The following TET2 variants were observed in gnomAD, a reference collection of about 807,000 sequenced individuals.
TET2 encodes the protein tet methylcytosine dioxygenase 2.
TET2 carries 299 observed loss-of-function variants against 142.9 expected under a neutral mutation model. The ratio of observed to expected loss-of-function variants is 2.09; its 90% CI spans 1.90 to 2.30. The LOEUF (loss-of-function observed/expected upper bound fraction) is 2.30. TET2 is among the 30% of genes most tolerant of loss of function. The pLI, the probability that TET2 is intolerant of heterozygous loss-of-function variation, is 0.00. For missense variants in TET2, 2,418 were observed against 2,378.0 expected (o/e 1.02, Z -0.35); for synonymous variants, 819 against 849.0 (o/e 0.96, Z 0.61).
intron 2 of TET2, among the ~76,000 whole-genome samples, chr4:105,212,026 G>T (rs1727194052): frequency 6.6e-6 from 1 of 152,182 alleles, no homozygotes; most frequent in South Asian, 2.1e-4. Context: ...TAGGAATGAG[G>T]CGTGAATAAG....
chr4:105,249,627 G>A (rs1177367648), intron 6 of TET2, among the ~76,000 whole-genome samples: 1 of 152,098 alleles, frequency 6.6e-6, no homozygotes, highest in African/African-American at 2.4e-5. Flanking sequence ...CTTTTTAATT[G>A]TAACCATCCA....
intron 3 of TET2, chr4:105,239,082 T>TTTTTTTTTTTG (rs1553914882): frequency 4.4e-5 from 3 of 68,748 alleles, no homozygotes; most frequent in Non-Finnish European, 5.8e-5. Flanking sequence ...TTGTTTTTTT[T>TTTTTTTTTTTG]TTTTGTTTTT....
chr4:105,273,285 T>G (rs1194075139), intron 10 of TET2, among the ~76,000 whole-genome samples: 1 of 152,272 alleles, frequency 6.6e-6, no homozygotes, highest in Non-Finnish European at 1.5e-5. Context: ...AGGGCCAGGC[T>G]TTGTTCTCAG....
At chr4:105,200,624 C>T (rs1465507853) in intron 2 of TET2, among the ~76,000 whole-genome samples, 4 of 148,310 alleles carry the variant, frequency 2.7e-5, no homozygotes, top group African/African-American at 1.0e-4. Flanking sequence ...TCCCAGGTCA[C>T]ACTGTTTTTT....
At chr4:105,248,859 G>T (rs1729715803) in intron 6 of TET2, among the ~76,000 whole-genome samples, 1 of 151,388 alleles carries the variant, frequency 6.6e-6, no homozygotes, top group South Asian at 2.1e-4. Context: ...TAAACATTCA[G>T]TTTCTCTGGA....
intron 3 of TET2, chr4:105,237,732 C>G (rs913265384): frequency 8.1e-7 from 1 of 1,238,188 alleles, no homozygotes; most frequent in Non-Finnish European, 1.0e-6. Flanking sequence ...CGACCATAGG[C>G]AGTCTAATGT....
chr4:105,235,898 GT>G lies in TET2; in HGVS notation c.1958del (p.Phe653SerfsTer47). On this transcript the variant is annotated frameshift_variant, in exon 3 of 11. Transcript: ENST00000380013. LOFTEE classifies it high-confidence loss of function. ...AAGGTACAGTGGACCAACATCTCCA[GT>G]TCCAAAAACCCTCACACCAGGTGCA... ...SQGTVDQHLQ[F>X]QKPSHQVHFS... 6.2e-7 allele frequency: 1 copy of G among 1,614,060 alleles called. No homozygotes were observed. The highest frequency in any genetic ancestry group is 8.5e-7 in the Non-Finnish European group (1 of 1,180,002).
intron 2 of TET2, among the ~76,000 whole-genome samples, chr4:105,193,115 C>G (rs947527928): frequency 6.6e-6 from 1 of 152,064 alleles, no homozygotes; most frequent in Non-Finnish European, 1.5e-5. Context: ...TCCATCTGGA[C>G]TATAACAGAG....
intron 2 of TET2, among the ~76,000 whole-genome samples, chr4:105,216,705 A>C (rs534613115): frequency 8.1e-4 from 124 of 152,170 alleles, no homozygotes; most frequent in African/African-American, 2.9e-3. Flanking sequence ...TTTTTGTTCT[A>C]TGAAAAATGC....
intron 8 of TET2, among the ~76,000 whole-genome samples, chr4:105,266,730 A>T (rs1210729746): frequency 2.0e-5 from 3 of 152,114 alleles, no homozygotes; most frequent in Non-Finnish European, 4.4e-5. Context: ...AAACTGAAAA[A>T]AATGAATATA....
chr4:105,201,585 C>A (rs963020996), intron 2 of TET2, among the ~76,000 whole-genome samples: 11 of 151,838 alleles, frequency 7.2e-5, no homozygotes, highest in African/African-American at 2.7e-4. Flanking sequence ...TTAAACTTAA[C>A]CTTACTGAGG....
chr4:105,189,385 T>C (rs1725653704), intron 1 of TET2, among the ~76,000 whole-genome samples: 1 of 152,200 alleles, frequency 6.6e-6, no homozygotes, highest in Admixed American at 6.5e-5. Context: ...TTCAGGACAA[T>C]GGACCAACTC....
At chr4:105,247,542 C>T (rs1029622433) in intron 6 of TET2, among the ~76,000 whole-genome samples, 2 of 151,974 alleles carry the variant, frequency 1.3e-5, no homozygotes, top group African/African-American at 4.8e-5. Flanking sequence ...TAGCCCTTCC[C>T]CTTTCTTTAT....
At chr4:105,258,048 A>C (rs540410045) in intron 6 of TET2, among the ~76,000 whole-genome samples, 2 of 152,272 alleles carry the variant, frequency 1.3e-5, no homozygotes, top group South Asian at 2.1e-4. Flanking sequence ...TGCTTTTCAT[A>C]ATAAATGTGG....
At chr4:105,182,376 T>C (rs1157032321) in intron 1 of TET2, among the ~76,000 whole-genome samples, 1 of 152,216 alleles carries the variant, frequency 6.6e-6, no homozygotes, top group Non-Finnish European at 1.5e-5. Flanking sequence ...TGTAGGTTCC[T>C]CTAGGATCCT....
Position 105,234,499 on chromosome 4 carries a change from A to AG in TET2, c.561dup (p.Lys188GlufsTer4). Reference sequence around the variant, plus strand: ...GAGCTTCAGATTCTGAATGAGCAGGAGGGGAAAAGTGCTAATTACCATGAC... The same window carrying AG: ...GAGCTTCAGATTCTGAATGAGCAGGAGGGGGAAAAGTGCTAATTACCATGAC... On this transcript the variant is annotated frameshift_variant, in exon 3 of 11. Coordinates refer to ENST00000380013, the MANE Select transcript of TET2 (RefSeq NM_001127208.3). LOFTEE classifies it high-confidence loss of function. 1 of 1,614,082 alleles carries AG rather than the reference A, an allele frequency of 6.2e-7. No individual in the cohort carries two copies. The highest frequency in any genetic ancestry group is 8.5e-7 in the Non-Finnish European group (1 of 1,180,004).
chr4:105,159,551 A>G (rs1229548563), intron 1 of TET2, among the ~76,000 whole-genome samples: 2 of 151,926 alleles, frequency 1.3e-5, no homozygotes, highest in East Asian at 3.9e-4. Context: ...CACCGCGCCC[A>G]GCTAAGATTA....
chr4:105,236,015 T>G lies in TET2; in HGVS notation c.2073T>G (p.Thr691=). ...FHFQQRADSQ[T]EKLMSPVLKQ... ...TTCAACAAAGAGCAGATTCCCAAACTGAAAAACTTATGTCCCCAGTGTTGA... is the reference window on the plus strand; with the variant it reads ...TTCAACAAAGAGCAGATTCCCAAACGGAAAAACTTATGTCCCCAGTGTTGA... The change falls in exon 3 of 11, where the codon ACT becomes ACG. Residue 691 remains threonine, a synonymous_variant. Transcript: ENST00000380013. 6.2e-7 allele frequency: 1 copy of G among 1,614,146 alleles called. No homozygotes were observed. The highest frequency in any genetic ancestry group is 8.5e-7 in the Non-Finnish European group (1 of 1,180,020).
At chr4:105,171,776 G>C (rs1481230378) in intron 1 of TET2, 3 of 152,126 alleles carry the variant, frequency 2.0e-5, no homozygotes, top group Non-Finnish European at 2.9e-5. Context: ...AAATAGCTGT[G>C]GGTAAACCTA....
Sources: allele counts gnomAD v4.1 joint callset (sites outside exome capture counted in the v4.1 genomes callset), GRCh38; gene constraint gnomAD v4.1.1; transcripts MANE v1.5; gene names NCBI Gene and HGNC (gene_info 2026-07-23, HGNC 2026-07-21).